RNF144A: variants seen among roughly 807,000 people sequenced by gnomAD.
RNF144A encodes the protein E3 ubiquitin-protein ligase RNF144A.
In RNF144A, 11 loss-of-function variants were observed where a neutral mutation model predicts 38.7. The ratio of observed to expected loss-of-function variants is 0.28; its 90% CI spans 0.18 to 0.47. The LOEUF is 0.47. RNF144A is among the 20% of genes least tolerant of loss of function. The probability of loss-of-function intolerance (pLI) is 0.99; values close to 1 mark genes in which losing one functional copy is unlikely to be tolerated. For synonymous variants in RNF144A, 149 were observed against 143.9 expected, an observed-to-expected ratio of 1.04 and a Z score of -0.25; for missense variants, 316 against 377.2, an observed-to-expected ratio of 0.84 and a Z score of 1.34.
At chr2:6,945,792 T>C (rs776875383) in intron 2 of RNF144A, among the ~76,000 whole-genome samples, 4 of 150,800 alleles carry the variant, frequency 2.7e-5, no homozygotes, top group South Asian at 2.1e-4. Context: ...CAGGCCAGAG[T>C]AGAACTAAGA....
intron 3 of RNF144A, among the ~76,000 whole-genome samples, chr2:6,999,758 T>G (rs570732911): frequency 6.6e-6 from 1 of 152,366 alleles, no homozygotes; most frequent in South Asian, 2.1e-4. Flanking sequence ...TTTCTCATTT[T>G]GCTTCTAAGT....
Position 6,924,310 on chromosome 2 carries a change from G to A in RNF144A, c.-212+6688G>A, listed in dbSNP as rs377328770. The stretch of plus-strand genomic sequence containing the variant: ...CCGTGGCCGTGTTGCTGGGGGGCCC[G>A]AGGCACTGTGCGATGCACGGGAAGC... On this transcript the variant is annotated intron_variant, in intron 1 of 8. Coordinates refer to ENST00000320892, the MANE Select transcript of RNF144A (RefSeq NM_014746.6). Among the ~76,000 whole-genome samples the A allele has an allele frequency of 3.3e-5, 5 of 152,378 alleles. No individual in the cohort carries two copies. In the East Asian group the frequency reaches 9.6e-4, roughly 29 times the overall value.
chr2:7,061,760 A>C (rs948148298), intron 6 of RNF144A, among the ~76,000 whole-genome samples: 1 of 152,232 alleles, frequency 6.6e-6, no homozygotes, highest in Admixed American at 6.5e-5. Flanking sequence ...AAGAATGAGA[A>C]ATAGTTTTTA....
chr2:6,966,649 T>C (rs2103339095), intron 2 of RNF144A, among the ~76,000 whole-genome samples: 1 of 152,310 alleles, frequency 6.6e-6, no homozygotes, highest in African/African-American at 2.4e-5. Flanking sequence ...CTGTCGTGCG[T>C]TTTGAAATAC....
rs564426938 is a variant in RNF144A at position 6,990,282 on chromosome 2, G to A, written c.-11-6634G>A. On this transcript the variant is annotated intron_variant, in intron 2 of 8. Coordinates refer to ENST00000320892, the MANE Select transcript of RNF144A (RefSeq NM_014746.6). ...CAAGAAAGAGCATGGGAGCTCTCTC[G>A]TCCTCTTCTTGTAACTCCAGTCCTA... Among the ~76,000 whole-genome samples, 16 of 151,706 alleles carry A rather than the reference G, an allele frequency of 1.1e-4. No individual in the cohort carries two copies. In the South Asian group the frequency reaches 2.7e-3, roughly 26 times the overall value.
At chr2:6,995,709 T>C (rs1335128501) in intron 2 of RNF144A, among the ~76,000 whole-genome samples, 1 of 152,242 alleles carries the variant, frequency 6.6e-6, no homozygotes, top group Non-Finnish European at 1.5e-5. Context: ...TATTCTGGCT[T>C]TGCTGGCAGC....
chr2:7,063,150 C>T (rs1388290953), intron 6 of RNF144A, among the ~76,000 whole-genome samples: 1 of 152,160 alleles, frequency 6.6e-6, no homozygotes. Flanking sequence ...TTATGAAGCT[C>T]CTAACACAGC....
intron 2 of RNF144A, among the ~76,000 whole-genome samples, chr2:6,971,897 T>A (rs145015948): frequency 1.8e-3 from 280 of 152,346 alleles, no homozygotes; most frequent in Non-Finnish European, 3.1e-3. Flanking sequence ...GATTCCTGAT[T>A]TTGTTCTTTT....
Position 6,962,827 on chromosome 2 carries a change from G to T in RNF144A, c.-12+21680G>T, listed in dbSNP as rs1439397961. ...CATGCACAGAAGGTCCTCAGTTAAT[G>T]ACTGGCCCAGCCTTGCTGGTCTCCA... On this transcript the variant is annotated intron_variant, in intron 2 of 8. Transcript: ENST00000320892. The surrounding 1 kb of genome is among the most constrained non-coding windows in gnomAD (Gnocchi z 4.1). 6.6e-6 allele frequency among the ~76,000 whole-genome samples: 1 copy of T among 152,224 alleles called. No homozygotes were observed. Among genetic ancestry groups the T allele is most frequent in the Non-Finnish European group, 1.5e-5 (1 of 68,044 alleles).
chr2:7,058,123 T>C (rs907161101), intron 6 of RNF144A, among the ~76,000 whole-genome samples: 1 of 152,100 alleles, frequency 6.6e-6, no homozygotes, highest in East Asian at 1.9e-4. Context: ...GATAAGTCAA[T>C]ATGATACCTG....
At chr2:6,928,016 T>G (rs886496673) in intron 1 of RNF144A, among the ~76,000 whole-genome samples, 5 of 152,174 alleles carry the variant, frequency 3.3e-5, no homozygotes, top group Non-Finnish European at 7.3e-5. Flanking sequence ...TCTGGGGGCC[T>G]GGTTTGTGCC....
intron 7 of RNF144A, among the ~76,000 whole-genome samples, chr2:7,026,922 T>C (rs543805445): frequency 6.6e-6 from 1 of 152,340 alleles, no homozygotes; most frequent in South Asian, 2.1e-4. Flanking sequence ...GTGTTTTCTT[T>C]GTACATGAAG....
intron 3 of RNF144A, among the ~76,000 whole-genome samples, chr2:7,013,908 G>A (rs1670973708): frequency 6.6e-6 from 1 of 152,182 alleles, no homozygotes; most frequent in Non-Finnish European, 1.5e-5. Flanking sequence ...TTCTCAGCAG[G>A]GAGATCATGG....
At chr2:7,002,528 G>A (rs747049329) in intron 3 of RNF144A, among the ~76,000 whole-genome samples, 6 of 152,142 alleles carry the variant, frequency 3.9e-5, no homozygotes, top group African/African-American at 7.2e-5. Flanking sequence ...TGGGACCAGC[G>A]AAGGAAAGAG....
At chr2:6,935,231 A>G (rs929999099) in intron 1 of RNF144A, among the ~76,000 whole-genome samples, 57 of 152,206 alleles carry the variant, frequency 3.7e-4, no homozygotes, top group African/African-American at 1.2e-3. Flanking sequence ...CAACATCTGC[A>G]TAGCGGGCCA....
Position 7,015,773 on chromosome 2 carries a change from G to A in RNF144A, c.301+1001G>A, listed in dbSNP as rs147362197. On this transcript the variant is annotated intron_variant, in intron 5 of 8. Transcript: ENST00000320892. The stretch of plus-strand genomic sequence containing the variant: ...GAACATCATTGTGTGGACCTTGCAG[G>A]CGGATTCTGAGTTTGGATTGCTGGC... Among the ~76,000 whole-genome samples, 81 of 152,260 alleles carry A rather than the reference G, an allele frequency of 5.3e-4. 2 individuals carry two copies. In the East Asian group the frequency reaches 0.014, roughly 26 times the overall value.
chr2:7,020,384 C>T, intron 5 of RNF144A, 89 bp from the exon 6 acceptor site: 1 of 1,137,282 alleles, frequency 8.8e-7, no homozygotes, highest in South Asian at 1.3e-5. Context: ...ATGTTCCTCC[C>T]TGTCCGTGCA....
intron 8 of RNF144A, among the ~76,000 whole-genome samples, chr2:7,033,908 C>T (rs918662371): frequency 9.9e-5 from 15 of 152,174 alleles, no homozygotes; most frequent in Middle Eastern, 3.2e-3. Flanking sequence ...GGTGTTGACT[C>T]GCAGCCCTCT....
At chr2:7,025,989 C>T (rs2103438197) in intron 7 of RNF144A, among the ~76,000 whole-genome samples, 1 of 152,242 alleles carries the variant, frequency 6.6e-6, no homozygotes, top group East Asian at 1.9e-4. Flanking sequence ...CCATTCATAC[C>T]ATGGGGCTAT....
Sources: gnomAD v4.1 joint callset for allele counts (sites outside exome capture counted in the v4.1 genomes callset) on GRCh38, gnomAD v4.1.1 for gene constraint, Gnocchi (gnomAD v3.1) non-coding constraint, MANE v1.5 for transcripts, NCBI Gene and HGNC (gene_info 2026-07-23, HGNC 2026-07-21) for gene names.